The following FBF1 variants were observed in gnomAD, a reference collection of about 807,000 sequenced individuals.
FBF1 encodes Fas binding factor 1, also known as fas-binding factor 1.
In FBF1, 119 loss-of-function variants were observed where a neutral mutation model predicts 147.2. That is an observed-to-expected ratio of 0.81 (90% confidence interval 0.70 to 0.94). The LOEUF (loss-of-function observed/expected upper bound fraction) is 0.94. Ranked by LOEUF, FBF1 falls within the 40% of genes least tolerant of loss-of-function variation. The probability of loss-of-function intolerance (pLI) is 0.00; values close to 1 mark genes in which losing one functional copy is unlikely to be tolerated. For missense variants in FBF1, 1,449 were observed against 1,500.8 expected, an observed-to-expected ratio of 0.97 and a Z score of 0.57; for synonymous variants, 601 against 609.0, an observed-to-expected ratio of 0.99 and a Z score of 0.19.
At position 75,928,062 on chromosome 17, in the gene FBF1, G is replaced by C. The variant is rs758028102; in HGVS notation, c.397+14C>G. 6.2e-7 allele frequency: 1 copy of C among 1,607,522 alleles called. No homozygotes were observed. Among genetic ancestry groups the C allele is most frequent in the Non-Finnish European group, 8.5e-7 (1 of 1,175,324 alleles). On this transcript the variant is annotated intron_variant, in intron 8 of 29. Transcript: ENST00000636174. The surrounding 1 kb of genome is among the most constrained non-coding windows in gnomAD (Gnocchi z 4.2). ...CCGTCTCCCATGCACCTTTCTCACT[G>C]GCTACTGACCCACCTGCAGGCTTGG... is the stretch of plus-strand genomic sequence containing the variant.
intron 10 of FBF1, 66 bp from the exon 11 acceptor site, chr17:75,926,492 G>A: frequency 5.4e-6 from 8 of 1,474,502 alleles, no homozygotes; most frequent in East Asian, 2.4e-5. Flanking sequence ...TCTGAATGGG[G>A]TTGGGGGTGG....
chr17:75,935,967 G>C (rs899777667), intron 3 of FBF1, among the ~76,000 whole-genome samples: 1 of 151,864 alleles, frequency 6.6e-6, no homozygotes, highest in Admixed American at 6.6e-5. Flanking sequence ...CCTGAAGTCA[G>C]GAGTTCGAGA....
rs1335681011 is a variant in FBF1 at position 75,910,234 on chromosome 17, T to G, written c.*489A>C. On this transcript the variant is annotated 3_prime_UTR_variant, in exon 30 of 30. Transcript: ENST00000636174. This position sits in a 1 kb window ranked among gnomAD's most constrained non-coding sequence, Gnocchi z 4.1. ...GATCTAGCTGGTGCCCTCCCTGTACTGTCAGGAGGCCAGAGGGCCCTTCTC... is the reference window on the plus strand; with the variant it reads ...GATCTAGCTGGTGCCCTCCCTGTACGGTCAGGAGGCCAGAGGGCCCTTCTC... 8.4e-6 allele frequency: 3 copies of G among 356,682 alleles called. No individual in the cohort carries two copies. In the East Asian group the frequency reaches 2.1e-4, roughly 25 times the overall value. 22.1% of individuals were successfully genotyped at this position (356,682 alleles called of 1,614,324 possible).
chr17:75,918,379 C>T lies in FBF1; in HGVS notation c.2139-110G>A. The T allele has an allele frequency of 1.2e-6, 1 of 832,376 alleles. No homozygotes were observed. The highest frequency in any genetic ancestry group is 1.9e-6 in the Non-Finnish European group (1 of 538,268). The allele number at this position is 832,376 out of a possible 1,614,324, so 51.6% of individuals were successfully genotyped here. A position where few individuals can be genotyped will look rare whatever the true frequency, so the allele number is the denominator to read the frequency against. ...TGCAGCCCTTGCTCCCAGGCCTCTC[C>T]TCCGCCGGGCACTGCCTCAGTTTCC... is the stretch of plus-strand genomic sequence containing the variant. On this transcript the variant is annotated intron_variant, in intron 20 of 29. Coordinates refer to ENST00000636174, the MANE Select transcript of FBF1 (RefSeq NM_001319193.2). This position sits in a 1 kb window ranked among gnomAD's most constrained non-coding sequence, Gnocchi z 5.8.
chr17:75,933,980 G>T (rs1191936528), intron 4 of FBF1, among the ~76,000 whole-genome samples: 1 of 152,218 alleles, frequency 6.6e-6, no homozygotes. Context: ...TGGCACAGCT[G>T]CTGTGGAAAA....
rs1271195521 is a variant in FBF1, at chr17:75,940,763, T to C, written c.-84+85A>G. On this transcript the variant is annotated intron_variant, in intron 1 of 29. Coordinates refer to ENST00000636174, the MANE Select transcript of FBF1 (RefSeq NM_001319193.2). ...TCAGCCGACTCCATGCCAGGCGTTT[T>C]ACAGATCCCGAGACCACCCCTAAGC... The C allele has an allele frequency of 2.0e-5, 3 of 153,828 alleles. No individual in the cohort carries two copies. The Admixed American group carries it at 2.0e-4, about 10-fold the overall frequency. The allele number at this position is 153,828 out of a possible 1,614,324, so 9.5% of individuals were successfully genotyped here.
intron 23 of FBF1, among the ~76,000 whole-genome samples, chr17:75,916,884 T>A (rs1346075085): frequency 6.6e-6 from 1 of 152,264 alleles, no homozygotes; most frequent in Admixed American, 6.5e-5. Context: ...AGAGTCTCGC[T>A]CTGTTAACCA....
Position 75,918,073 on chromosome 17 carries a change from G to A in FBF1, c.2247-3C>T. On this transcript the variant is annotated splice_polypyrimidine_tract_variant and splice_region_variant and intron_variant, in intron 21 of 29. Transcript: ENST00000636174. This position sits in a 1 kb window ranked among gnomAD's most constrained non-coding sequence, Gnocchi z 5.8. ...GGTGGATGATGCTATTCAGGGACCT[G>A]GAAGAAGACTGGGTCACCCCCTCCT... The A allele has an allele frequency of 6.2e-7, 1 of 1,607,576 alleles. No individual in the cohort carries two copies. Among genetic ancestry groups the A allele is most frequent in the South Asian group, 1.1e-5 (1 of 90,250 alleles).
chr17:75,914,645 T>G, intron 25 of FBF1, 102 bp downstream of exon 25: 2 of 1,225,400 alleles, frequency 1.6e-6, no homozygotes, highest in South Asian at 1.6e-5. Context: ...CTTGTGACAT[T>G]AGTGCTACAC....
chr17:75,931,439 G>A, intron 5 of FBF1, 150 bp from the exon 6 acceptor site: 2 of 650,498 alleles, frequency 3.1e-6, no homozygotes, highest in Non-Finnish European at 2.7e-6. Flanking sequence ...GCCACCTGAT[G>A]CAGTGATTTT....
At chr17:75,932,559 CAATGT>C (rs1314758682) in intron 5 of FBF1, among the ~76,000 whole-genome samples, 3 of 151,926 alleles carry the variant, frequency 2.0e-5, no homozygotes, top group African/African-American at 7.3e-5. Context: ...CCAGCCTGGG[CAATGT>C]GGTAAAATTG....
Position 75,926,268 on chromosome 17 carries a change from G to C in FBF1, c.734+20C>G. ...TCCCTGAACCTGAGGCAGCAGCCTG[G>C]CCTACTCAGGGATCCTTACTGGTCT... On this transcript the variant is annotated intron_variant, in intron 11 of 29. Coordinates refer to ENST00000636174, the MANE Select transcript of FBF1 (RefSeq NM_001319193.2). 6.2e-7 allele frequency: 1 copy of C among 1,612,018 alleles called. No homozygotes were observed. Among genetic ancestry groups the C allele is most frequent in the Non-Finnish European group, 8.5e-7 (1 of 1,179,362 alleles).
At position 75,910,385 on chromosome 17, in the gene FBF1, C is replaced by T. The variant is rs1704129637; in HGVS notation, c.*338G>A. ...AGCCCACAACAGTCTACCTGTGGAGCAGGGGGAGCCCACAGAGCCCAGGGG... is the reference window on the plus strand; with the variant it reads ...AGCCCACAACAGTCTACCTGTGGAGTAGGGGGAGCCCACAGAGCCCAGGGG... On this transcript the variant is annotated 3_prime_UTR_variant, in exon 30 of 30. Coordinates refer to ENST00000636174, the MANE Select transcript of FBF1 (RefSeq NM_001319193.2). This position sits in a 1 kb window ranked among gnomAD's most constrained non-coding sequence, Gnocchi z 4.1. The T allele has an allele frequency of 5.7e-6, 2 of 353,718 alleles. No individual in the cohort carries two copies. The highest frequency in any genetic ancestry group is 1.1e-5 in the Non-Finnish European group (2 of 189,156). The allele number at this position is 353,718 out of a possible 1,614,324, so 21.9% of individuals were successfully genotyped here. A position where few individuals can be genotyped will look rare whatever the true frequency, so the allele number is the denominator to read the frequency against.
At chr17:75,920,787 C>A (rs2065520824) in intron 17 of FBF1, among the ~76,000 whole-genome samples, 1 of 151,936 alleles carries the variant, frequency 6.6e-6, no homozygotes, top group South Asian at 2.1e-4. Context: ...AATCTGGTTC[C>A]CACGAGCTGT....
intron 29 of FBF1, among the ~76,000 whole-genome samples, chr17:75,911,916 T>C (rs972801976): frequency 2.0e-5 from 3 of 152,162 alleles, no homozygotes; most frequent in African/African-American, 7.2e-5. Context: ...CCTCCCAAAG[T>C]GTTGGGATTA....
chr17:75,937,399 T>C (rs529768500), intron 3 of FBF1, among the ~76,000 whole-genome samples, 167 bp downstream of exon 3: 53 of 152,228 alleles, frequency 3.5e-4, no homozygotes, highest in African/African-American at 1.2e-3. Flanking sequence ...CTCGATCTCC[T>C]GACCTCATGA....
Position 75,931,212 on chromosome 17 carries a change from G to T in FBF1, c.228+17C>A. On this transcript the variant is annotated intron_variant, in intron 6 of 29. Coordinates refer to ENST00000636174, the MANE Select transcript of FBF1 (RefSeq NM_001319193.2). ...CTGGGGATAAGTAGGGAGGTGGAGG[G>T]AAACAGCCAGGCTCACCTCAGCATC... 6.4e-7 allele frequency: 1 copy of T among 1,566,086 alleles called. No individual in the cohort carries two copies. The highest frequency in any genetic ancestry group is 8.7e-7 in the Non-Finnish European group (1 of 1,155,476).
rs2065448682 is a variant in FBF1 at position 75,910,091 on chromosome 17, T to C, written c.*632A>G. On this transcript the variant is annotated 3_prime_UTR_variant, in exon 30 of 30. Coordinates refer to ENST00000636174, the MANE Select transcript of FBF1 (RefSeq NM_001319193.2). This position sits in a 1 kb window ranked among gnomAD's most constrained non-coding sequence, Gnocchi z 4.1. ...ATGGGGAGGAAGCTGAGGAGGCCAC[T>C]GTTCACCCAAACTGGTTGGTCCTTC... is the stretch of plus-strand genomic sequence containing the variant. 1.7e-6 allele frequency: 1 copy of C among 577,894 alleles called. No individual in the cohort carries two copies. The highest frequency in any genetic ancestry group is 3.3e-6 in the Non-Finnish European group (1 of 306,484). 35.8% of individuals were successfully genotyped at this position (577,894 alleles called of 1,614,324 possible). A position where few individuals can be genotyped will look rare whatever the true frequency, so the allele number is the denominator to read the frequency against.
Position 75,910,427 on chromosome 17 carries a change from G to T in FBF1, c.*296C>A. The T allele has an allele frequency of 2.4e-6, 1 of 415,396 alleles. No individual in the cohort carries two copies. The highest frequency in any genetic ancestry group is 2.9e-5 in the South Asian group (1 of 34,544). The allele number at this position is 415,396 out of a possible 1,614,324, so 25.7% of individuals were successfully genotyped here. A position where few individuals can be genotyped will look rare whatever the true frequency, so the allele number is the denominator to read the frequency against. On this transcript the variant is annotated 3_prime_UTR_variant, in exon 30 of 30. Coordinates refer to ENST00000636174, the MANE Select transcript of FBF1 (RefSeq NM_001319193.2). The surrounding 1 kb of genome is among the most constrained non-coding windows in gnomAD (Gnocchi z 4.1). Reference sequence around the variant, plus strand: ...GCCCAGGGGGAGCCCACAGAGCCCAGTGAGAGCTGGGGGTCCTTGCTGCCA... The same window carrying T: ...GCCCAGGGGGAGCCCACAGAGCCCATTGAGAGCTGGGGGTCCTTGCTGCCA...
Sources: allele counts gnomAD v4.1 joint callset (sites outside exome capture counted in the v4.1 genomes callset), GRCh38; gene constraint gnomAD v4.1.1; non-coding constraint Gnocchi (gnomAD v3.1); transcripts MANE v1.5; gene names NCBI Gene and HGNC (gene_info 2026-07-23, HGNC 2026-07-21).